Variants in LUZP2 observed in about 807,000 individuals in gnomAD.
LUZP2 encodes leucine zipper protein 2.
LUZP2 carries 52 observed loss-of-function variants against 51.6 expected under a neutral mutation model. The observed-to-expected ratio is 1.01, with a 90% confidence interval of 0.81 to 1.27. The LOEUF is 1.27. LUZP2 is among the 50% of genes most tolerant of loss of function. The probability of loss-of-function intolerance (pLI) is 0.00; values close to 1 mark genes in which losing one functional copy is unlikely to be tolerated. For synonymous variants in LUZP2, 154 were observed against 137.3 expected, an observed-to-expected ratio of 1.12 and a Z score of -0.85; for missense variants, 436 against 395.4, an observed-to-expected ratio of 1.10 and a Z score of -0.87.
intron 5 of LUZP2, among the ~76,000 whole-genome samples, chr11:24,807,832 G>A (rs901144443): frequency 3.0e-4 from 45 of 152,248 alleles, no homozygotes; most frequent in African/African-American, 9.4e-4. Flanking sequence ...AGTGGAGGAA[G>A]GTCAGGGCGA....
chr11:24,847,099 A>G (rs1052325666), intron 5 of LUZP2, among the ~76,000 whole-genome samples: 2 of 151,866 alleles, frequency 1.3e-5, no homozygotes, highest in Non-Finnish European at 2.9e-5. Context: ...TTGAAAACAC[A>G]TTACAGGTAT....
intron 1 of LUZP2, among the ~76,000 whole-genome samples, chr11:24,643,556 ACTT>A (rs1480872829): frequency 6.6e-6 from 1 of 152,106 alleles, no homozygotes; most frequent in African/African-American, 2.4e-5. Flanking sequence ...CCCCTTTAAA[ACTT>A]CTTCCTGCTT....
intron 7 of LUZP2, among the ~76,000 whole-genome samples, chr11:24,938,993 A>G (rs974117116): frequency 3.3e-5 from 5 of 152,152 alleles, no homozygotes; most frequent in African/African-American, 1.2e-4. Flanking sequence ...GCTGAGTCTA[A>G]TGGTCTAGCC....
intron 3 of LUZP2, among the ~76,000 whole-genome samples, chr11:24,734,020 C>A (rs1453935731): frequency 6.6e-6 from 1 of 151,646 alleles, no homozygotes; most frequent in Admixed American, 6.6e-5. Context: ...TAGGGAATCC[C>A]TTTTAGGTAG....
intron 5 of LUZP2, among the ~76,000 whole-genome samples, chr11:24,835,498 A>C (rs1400090420): frequency 2.0e-5 from 3 of 152,136 alleles, no homozygotes; most frequent in South Asian, 2.1e-4. Context: ...ACAGCAAAAT[A>C]AACTAGCATC....
chr11:24,531,641 G>T (rs1046887764), intron 1 of LUZP2, among the ~76,000 whole-genome samples: 3 of 150,790 alleles, frequency 2.0e-5, no homozygotes, highest in Admixed American at 6.6e-5. Flanking sequence ...TCTGTGAGTA[G>T]AACTTTTTTA....
At chr11:24,655,272 A>C (rs1855766383) in intron 1 of LUZP2, among the ~76,000 whole-genome samples, 2 of 152,242 alleles carry the variant, frequency 1.3e-5, no homozygotes, top group South Asian at 4.1e-4. Flanking sequence ...GATTAGAATT[A>C]GAATTATACA....
intron 10 of LUZP2, among the ~76,000 whole-genome samples, chr11:25,074,261 A>G (rs1859238615): frequency 6.6e-6 from 1 of 152,190 alleles, no homozygotes; most frequent in South Asian, 2.1e-4. Context: ...AAAAGGCTTT[A>G]TTAAAGCAGA....
chr11:24,543,872 C>T (rs935702581), intron 1 of LUZP2, among the ~76,000 whole-genome samples: 11 of 146,434 alleles, frequency 7.5e-5, no homozygotes, highest in Admixed American at 2.7e-4. Flanking sequence ...GCAATATTTC[C>T]GGGTAGCTAT....
intron 1 of LUZP2, among the ~76,000 whole-genome samples, chr11:24,570,311 C>A (rs531293022): frequency 2.0e-5 from 3 of 152,060 alleles, no homozygotes; most frequent in African/African-American, 7.2e-5. Context: ...TAAAAGTCAT[C>A]TTTTATATGC....
chr11:25,018,622 TTTTTA>T (rs1351195077), intron 9 of LUZP2, among the ~76,000 whole-genome samples: 174 of 30,524 alleles, frequency 5.7e-3, no homozygotes, highest in African/African-American at 0.055. Flanking sequence ...TTTTTTTTTT[TTTTTA>T]AAGACACTCT....
chr11:25,002,541 C>T (rs1158045699), intron 9 of LUZP2, among the ~76,000 whole-genome samples: 1 of 152,194 alleles, frequency 6.6e-6, no homozygotes, highest in Non-Finnish European at 1.5e-5. Context: ...CCATTTACAT[C>T]ACGAGTAGTC....
chr11:24,954,996 A>G (rs1855175992), intron 7 of LUZP2, among the ~76,000 whole-genome samples: 1 of 152,014 alleles, frequency 6.6e-6, no homozygotes, highest in Admixed American at 6.6e-5. Context: ...ATGGTGAGGT[A>G]TGTAAGAATA....
At chr11:24,762,081 C>T (rs556509121) in intron 4 of LUZP2, among the ~76,000 whole-genome samples, 3 of 42,812 alleles carry the variant, frequency 7.0e-5, no homozygotes, top group South Asian at 1.6e-3. Flanking sequence ...GGTTAGCCCA[C>T]AGGCATTTTA....
In LUZP2 at chr11:24,906,030, C is replaced by T; in HGVS notation, c.436C>T (p.Leu146Phe). 4 of 1,613,182 alleles carry T rather than the reference C, an allele frequency of 2.5e-6. No individual in the cohort carries two copies. Among genetic ancestry groups the T allele is most frequent in the Non-Finnish European group, 3.4e-6 (4 of 1,179,524 alleles). The change falls in exon 6 of 12, where the codon CTC becomes TTC. Residue 146 changes from leucine to phenylalanine, a missense_variant. Leu to Phe is a conservative substitution (Grantham distance 22, BLOSUM62 0). Transcript: ENST00000336930. ...LKNKLLSGNKLCGIHAEESKK... is the reference protein window; with the variant it reads ...LKNKLLSGNKFCGIHAEESKK... Reference sequence around the variant, plus strand: ...AAACAAACTCTTGTCAGGAAACAAGCTCTGTGGCATTCACGCAGAAGAGGT... The same window carrying T: ...AAACAAACTCTTGTCAGGAAACAAGTTCTGTGGCATTCACGCAGAAGAGGT...
intron 1 of LUZP2, among the ~76,000 whole-genome samples, chr11:24,616,793 G>C (rs998510832): frequency 6.6e-6 from 1 of 152,010 alleles, no homozygotes; most frequent in African/African-American, 2.4e-5. Flanking sequence ...TACATCTCCT[G>C]CCTTTCCATA....
chr11:24,872,344 A>G (rs9645612), intron 5 of LUZP2, among the ~76,000 whole-genome samples: 71,493 of 151,872 alleles, frequency 0.47, 17,523 homozygotes, highest in East Asian at 0.66. Context: ...ACTTATATCC[A>G]TCTGGAATGA....
At chr11:24,622,127 T>A (rs963404441) in intron 1 of LUZP2, among the ~76,000 whole-genome samples, 18 of 151,962 alleles carry the variant, frequency 1.2e-4, no homozygotes, top group African/African-American at 4.3e-4. Context: ...TTCTTTTTTT[T>A]TTAATGTTAT....
At chr11:24,665,041 C>T (rs1856167153) in intron 1 of LUZP2, among the ~76,000 whole-genome samples, 1 of 152,160 alleles carries the variant, frequency 6.6e-6, no homozygotes, top group Non-Finnish European at 1.5e-5. Flanking sequence ...GTCAAAGACA[C>T]TCAACGTCAG....
Sources: allele counts gnomAD v4.1 joint callset (sites outside exome capture counted in the v4.1 genomes callset), GRCh38; gene constraint gnomAD v4.1.1; transcripts MANE v1.5; gene names NCBI Gene and HGNC (gene_info 2026-07-23, HGNC 2026-07-21).